Variants in CHKA observed in about 807,000 individuals in gnomAD.
The protein encoded by CHKA is choline kinase alpha.
A neutral mutation model predicts 60.1 loss-of-function variants in CHKA; 34 were observed. That is an observed-to-expected ratio of 0.57 (90% CI 0.43 to 0.75). The LOEUF (loss-of-function observed/expected upper bound fraction) is 0.75. CHKA is among the 30% of genes least tolerant of loss of function. CHKA has a pLI of 0.00. For missense variants in CHKA, 563 were observed against 561.3 expected (o/e 1.00, Z -0.03); for synonymous variants, 217 against 223.1 (o/e 0.97, Z 0.24).
intron 2 of CHKA, among the ~76,000 whole-genome samples, chr11:68,094,405 G>T (rs1253020487): frequency 6.6e-6 from 1 of 152,142 alleles, no homozygotes; most frequent in Admixed American, 6.6e-5. Context: ...GCTGGGCGTG[G>T]TGGCTCACTC....
intron 4 of CHKA, among the ~76,000 whole-genome samples, chr11:68,071,813 G>C (rs939014192): frequency 1.1e-4 from 17 of 152,230 alleles, no homozygotes; most frequent in African/African-American, 3.9e-4. Context: ...AGAGAATGCA[G>C]ATGAGGTCTC....
chr11:68,116,766 T>C (rs1858399150), intron 1 of CHKA, among the ~76,000 whole-genome samples: 1 of 152,098 alleles, frequency 6.6e-6, no homozygotes, highest in Non-Finnish European at 1.5e-5. Flanking sequence ...TACTATTGAT[T>C]TGATAGGCAG....
chr11:68,057,945 G>T (rs562109723), intron 11 of CHKA, among the ~76,000 whole-genome samples: 1 of 152,230 alleles, frequency 6.6e-6, no homozygotes, highest in East Asian at 1.9e-4. Flanking sequence ...TGCCCAGGCT[G>T]GAGTGCAGTG....
At chr11:68,107,025 G>A (rs2153028197) in intron 1 of CHKA, among the ~76,000 whole-genome samples, 3 of 152,240 alleles carry the variant, frequency 2.0e-5, no homozygotes, top group African/African-American at 7.2e-5. Context: ...AGGCCGAGGT[G>A]GGTGGATCAC....
chr11:68,100,028 C>T (rs749425432), intron 1 of CHKA, among the ~76,000 whole-genome samples: 1 of 152,170 alleles, frequency 6.6e-6, no homozygotes, highest in African/African-American at 2.4e-5. Flanking sequence ...AGCAAGGTGA[C>T]TGGCACCAAT....
At chr11:68,097,245 C>T (rs1200287489) in intron 1 of CHKA, 115 bp from the exon 2 acceptor site, 14 of 620,058 alleles carry the variant, frequency 2.3e-5, no homozygotes, top group South Asian at 5.2e-5. Flanking sequence ...CATCTTATCT[C>T]GATTTATTCT....
chr11:68,097,598 T>C (rs1272466998), intron 1 of CHKA, among the ~76,000 whole-genome samples: 3 of 137,634 alleles, frequency 2.2e-5, no homozygotes, highest in East Asian at 2.1e-4. Context: ...ATGGCACCAC[T>C]GCACTCCAGC....
intron 11 of CHKA, among the ~76,000 whole-genome samples, chr11:68,054,295 C>A (rs1287212381): frequency 6.6e-6 from 1 of 152,222 alleles, no homozygotes; most frequent in Admixed American, 6.5e-5. Context: ...CATGGGCCAG[C>A]CCAGCCCTGC....
chr11:68,075,812 G>A (rs2134565846), intron 3 of CHKA, among the ~76,000 whole-genome samples: 1 of 152,284 alleles, frequency 6.6e-6, no homozygotes, highest in East Asian at 1.9e-4. Flanking sequence ...TTTGCAAAGA[G>A]ATTCCTAGGT....
intron 10 of CHKA, among the ~76,000 whole-genome samples, chr11:68,062,930 G>A (rs2134505759): frequency 6.6e-6 from 1 of 152,136 alleles, no homozygotes; most frequent in South Asian, 2.1e-4. Flanking sequence ...AAAGATGAGG[G>A]GCCACAGTGA....
chr11:68,081,712 A>G, intron 2 of CHKA: 1 of 394,236 alleles, frequency 2.5e-6, no homozygotes, highest in Non-Finnish European at 4.7e-6. Flanking sequence ...CACGTCTCAC[A>G]GCCGCCCCAT....
At chr11:68,092,991 A>G (rs540311037) in intron 2 of CHKA, among the ~76,000 whole-genome samples, 17 of 146,176 alleles carry the variant, frequency 1.2e-4, no homozygotes, top group African/African-American at 3.5e-4. Flanking sequence ...CTAATTTCCC[A>G]TCCAGTTTTT....
chr11:68,098,708 T>A (rs1307710549), intron 1 of CHKA, among the ~76,000 whole-genome samples: 5 of 152,162 alleles, frequency 3.3e-5, no homozygotes, highest in Admixed American at 1.3e-4. Flanking sequence ...TTATTTATTT[T>A]TTTCAGAGAG....
chr11:68,070,328 G>A (rs749378058), intron 5 of CHKA, 35 bp from the exon 6 acceptor site: 9 of 1,396,822 alleles, frequency 6.4e-6, no homozygotes, highest in Admixed American at 1.7e-5. Context: ...ACAGAACAAA[G>A]AATCACCGAT....
At chr11:68,083,659 C>CT (rs1217429385) in intron 2 of CHKA, among the ~76,000 whole-genome samples, 1 of 152,038 alleles carries the variant, frequency 6.6e-6, no homozygotes, top group African/African-American at 2.4e-5. Flanking sequence ...AAAGTCTTTC[C>CT]TTTTTTTAAA....
intron 1 of CHKA, among the ~76,000 whole-genome samples, chr11:68,106,971 C>T (rs577665545): frequency 2.0e-5 from 3 of 152,116 alleles, no homozygotes; most frequent in East Asian, 1.9e-4. Flanking sequence ...AAAACATGTT[C>T]GGCCGGGCAT....
rs201821567 is a variant in CHKA at position 68,118,046 on chromosome 11, A to G, written c.350+2782T>C. 3.8e-3 allele frequency among the ~76,000 whole-genome samples: 582 copies of G among 152,280 alleles called. 4 individuals are homozygous for G. The highest frequency in any genetic ancestry group is 0.013 in the African/African-American group (552 of 41,558). On this transcript the variant is annotated intron_variant, in intron 1 of 11. Transcript: ENST00000265689. ...AGAAGCACATTCCTGGGTGGGGAGG[A>G]GCCAAAGGGTTAAATTTGGAATAGG...
chr11:68,097,350 G>A (rs927814413), intron 1 of CHKA, among the ~76,000 whole-genome samples: 2 of 152,100 alleles, frequency 1.3e-5, no homozygotes, highest in Admixed American at 6.5e-5. Context: ...AATTGCCCGT[G>A]TGGGCCGGGC....
intron 1 of CHKA, among the ~76,000 whole-genome samples, chr11:68,113,135 A>C (rs573755412): frequency 2.0e-5 from 3 of 149,970 alleles, no homozygotes; most frequent in East Asian, 1.9e-4. Flanking sequence ...AAAAAAAAAA[A>C]CAATTAAATT....
Sources: allele counts gnomAD v4.1 joint callset (sites outside exome capture counted in the v4.1 genomes callset), GRCh38; gene constraint gnomAD v4.1.1; transcripts MANE v1.5; gene names NCBI Gene and HGNC (gene_info 2026-07-23, HGNC 2026-07-21).